Variants in MZT2A observed in about 807,000 individuals in gnomAD.
MZT2A encodes the protein mitotic-spindle organizing protein 2A.
Under a neutral mutation model 12.4 loss-of-function variants are expected in MZT2A, and 8 were observed. The observed-to-expected ratio is 0.64, with a 90% confidence interval of 0.38 to 1.16. The LOEUF (loss-of-function observed/expected upper bound fraction) is 1.16, where lower values mean the gene tolerates loss of function less well. Among genes scored for constraint, MZT2A ranks in the 50% most tolerant of loss-of-function variants. MZT2A has a pLI of 0.01. For synonymous variants in MZT2A, 88 were observed against 107.5 expected (o/e 0.82, Z 1.12); for missense variants, 181 against 223.6 (o/e 0.81, Z 1.22).
chr2:131,489,773 G>A lies in MZT2A; in HGVS notation c.319+2103C>T, dbSNP rs377372094. On this transcript the variant is annotated intron_variant, in intron 2 of 2. Transcript: ENST00000309451. ...AGGAATCCACCTGCCTTGACTTCCC[G>A]AAGTGCTGGGATTACAGGTGTGAGC... The A allele has an allele frequency of 1.7e-4, 129 of 778,136 alleles. No homozygotes were observed. In the African/African-American group the frequency reaches 2.2e-3, roughly 13 times the overall value. 48.2% of individuals were successfully genotyped at this position (778,136 alleles called of 1,614,324 possible).
rs1679234789 is a variant in MZT2A at position 131,490,280 on chromosome 2, G to T, written c.319+1596C>A. ...CAGCACATGGCATCTGTGTGGCACT[G>T]CCTGGCAGACTCTGGGAAGGTGGGA... On this transcript the variant is annotated intron_variant, in intron 2 of 2. Coordinates refer to ENST00000309451, the MANE Select transcript of MZT2A (RefSeq NM_001085365.2). 6 of 1,005,146 alleles carry T rather than the reference G, an allele frequency of 6.0e-6. No individual in the cohort carries two copies. In the Admixed American group the frequency reaches 1.5e-4, roughly 25 times the overall value. 62.3% of individuals were successfully genotyped at this position (1,005,146 alleles called of 1,614,324 possible).
chr2:131,493,314 T>C (rs12691979), upstream of MZT2A, among the ~76,000 whole-genome samples: 150,578 of 152,308 alleles, frequency 0.99, 74,469 homozygotes, highest in Middle Eastern at 1. Context: ...TTCCTGCCAC[T>C]CCTCTGGGCC....
intron 2 of MZT2A, chr2:131,491,658 G>A: frequency 1.2e-6 from 1 of 821,550 alleles, no homozygotes; most frequent in East Asian, 2.7e-5. Flanking sequence ...GACCACCCTG[G>A]GGCACGCACT....
downstream of MZT2A, among the ~76,000 whole-genome samples, chr2:131,482,316 C>T (rs1345779871): frequency 2.0e-5 from 3 of 152,200 alleles, no homozygotes; most frequent in Non-Finnish European, 4.4e-5. Flanking sequence ...TACTAGGACA[C>T]AGCCCTTTAG....
intron 2 of MZT2A, among the ~76,000 whole-genome samples, chr2:131,487,828 G>A (rs1210318054): frequency 6.6e-6 from 1 of 152,188 alleles, no homozygotes; most frequent in Non-Finnish European, 1.5e-5. Flanking sequence ...GTGCAGTGGT[G>A]CAGTCACAGC....
intron 2 of MZT2A, among the ~76,000 whole-genome samples, chr2:131,474,207 C>T (rs1433352134): frequency 6.6e-6 from 1 of 151,392 alleles, no homozygotes; most frequent in African/African-American, 2.4e-5. Context: ...ATGCCATCCT[C>T]CTGCCTCGGC....
At chr2:131,492,796 G>GGGGGGGGGGGGGC, upstream of MZT2A, 3 of 853,142 alleles carry the variant, frequency 3.5e-6, no homozygotes, top group Non-Finnish European at 5.2e-6. Context: ...GGGGTGGGGG[G>GGGGGGGGGGGGGC]CACTAATCAA....
At chr2:131,488,201 A>G (rs942918230) in intron 2 of MZT2A, among the ~76,000 whole-genome samples, 3 of 152,204 alleles carry the variant, frequency 2.0e-5, no homozygotes, top group Non-Finnish European at 4.4e-5. Context: ...TCTTACACGC[A>G]TGCTCTGGAC....
At chr2:131,477,655 G>C (rs1016958122) in intron 2 of MZT2A, among the ~76,000 whole-genome samples, 2 of 151,082 alleles carry the variant, frequency 1.3e-5, no homozygotes, top group African/African-American at 4.9e-5. Context: ...CTGTTCTCAA[G>C]GGTCAGCCTT....
intron 2 of MZT2A, chr2:131,476,075 G>C: frequency 1.3e-6 from 2 of 1,548,408 alleles, no homozygotes; most frequent in Non-Finnish European, 1.7e-6. Flanking sequence ...GCCAATGGCG[G>C]CCTGGCACCG....
chr2:131,470,722 C>T (rs1704965442), intron 3 of MZT2A, among the ~76,000 whole-genome samples: 1 of 141,686 alleles, frequency 7.1e-6, no homozygotes, highest in African/African-American at 3.2e-5. Flanking sequence ...CAAGAAGAAG[C>T]AGAAGCAGAA....
chr2:131,476,057 A>G (rs1678652041), intron 2 of MZT2A: 16 of 1,501,230 alleles, frequency 1.1e-5, no homozygotes, highest in Non-Finnish European at 1.4e-5. Flanking sequence ...GCCTCCCAGG[A>G]ACTCCGAGCC....
At chr2:131,485,244 T>A (rs1427895215) in intron 2 of MZT2A, among the ~76,000 whole-genome samples, 1 of 152,208 alleles carries the variant, frequency 6.6e-6, no homozygotes, top group Non-Finnish European at 1.5e-5. Flanking sequence ...TTGTCCTGAC[T>A]GAGGGAGTGC....
upstream of MZT2A, among the ~76,000 whole-genome samples, chr2:131,493,444 G>T (rs1446105562): frequency 1.3e-5 from 2 of 152,190 alleles, no homozygotes. Context: ...TTGAAATTGA[G>T]CCTTGGGCTC....
At chr2:131,473,570 T>C (rs1314000640) in intron 2 of MZT2A, among the ~76,000 whole-genome samples, 2 of 150,146 alleles carry the variant, frequency 1.3e-5, no homozygotes, top group African/African-American at 2.5e-5. Flanking sequence ...CCAGGGCTTT[T>C]CCCAGAACTG....
chr2:131,490,507 G>A, intron 2 of MZT2A: 7 of 1,431,362 alleles, frequency 4.9e-6, no homozygotes, highest in Non-Finnish European at 5.5e-6. Context: ...CCGGATGCCA[G>A]CCCGACTGTG....
At chr2:131,493,004 C>T (rs1679413164), upstream of MZT2A, 6 of 1,507,300 alleles carry the variant, frequency 4.0e-6, no homozygotes, top group Admixed American at 2.1e-5. Context: ...TTTGAGGTAA[C>T]GGCCCAAAGA....
chr2:131,470,784 C>T (rs1030896446), intron 3 of MZT2A, among the ~76,000 whole-genome samples: 2 of 148,160 alleles, frequency 1.3e-5, no homozygotes, highest in African/African-American at 5.3e-5. Flanking sequence ...GGCACTCATG[C>T]CTGTCATCCC....
chr2:131,492,449 G>C, upstream of MZT2A: 1 of 1,183,496 alleles, frequency 8.4e-7, no homozygotes, highest in Non-Finnish European at 1.0e-6. Flanking sequence ...CCCTCTCCCT[G>C]CAGCGCCAGC....
Sources: allele counts gnomAD v4.1 joint callset (sites outside exome capture counted in the v4.1 genomes callset), GRCh38; gene constraint gnomAD v4.1.1; transcripts MANE v1.5; gene names NCBI Gene and HGNC (gene_info 2026-07-23, HGNC 2026-07-21).